HNRNPC: variants seen among roughly 807,000 people sequenced by gnomAD.
HNRNPC encodes heterogeneous nuclear ribonucleoproteins C1/C2.
A neutral mutation model predicts 33.2 loss-of-function variants in HNRNPC; 3 were observed. The ratio of observed to expected loss-of-function variants is 0.09; its 90% confidence interval spans 0.04 to 0.23. The LOEUF is 0.23. HNRNPC is among the 10% of genes least tolerant of loss of function. HNRNPC has a pLI of 1.00. For missense variants in HNRNPC, 143 were observed against 366.7 expected, an observed-to-expected ratio of 0.39 and a Z score of 4.98; for synonymous variants, 121 against 126.7, an observed-to-expected ratio of 0.96 and a Z score of 0.30.
At chr14:21,253,794 G>A (rs563889689) in intron 2 of HNRNPC, among the ~76,000 whole-genome samples, 9 of 152,130 alleles carry the variant, frequency 5.9e-5, no homozygotes, top group East Asian at 1.9e-4. Flanking sequence ...GGCCAGGCGC[G>A]GTGGCTCAGG....
intron 2 of HNRNPC, among the ~76,000 whole-genome samples, chr14:21,238,022 C>T (rs550390891): frequency 6.6e-6 from 1 of 152,296 alleles, no homozygotes; most frequent in Admixed American, 6.5e-5. Context: ...CCGCCTGCCT[C>T]GGCCTCCCAA....
intron 5 of HNRNPC, among the ~76,000 whole-genome samples, chr14:21,217,173 T>C (rs1489528482): frequency 1.3e-5 from 2 of 152,244 alleles, no homozygotes; most frequent in African/African-American, 2.4e-5. Flanking sequence ...TCTGAGGAAG[T>C]AGTCCTTGCC....
chr14:21,231,160 AG>A, intron 3 of HNRNPC, 88 bp from the exon 4 acceptor site: 6 of 1,328,534 alleles, frequency 4.5e-6, no homozygotes, highest in Non-Finnish European at 6.3e-6. Flanking sequence ...TTTGAGACAT[AG>A]TTTCGCTTTC....
rs1054315013 is a variant in HNRNPC, at chr14:21,209,196, G to A, written c.*2027C>T. On this transcript the variant is annotated 3_prime_UTR_variant, in exon 9 of 9. Coordinates refer to ENST00000553300, the MANE Select transcript of HNRNPC (RefSeq NM_004500.4). ...TGTAGAGATGATTTAAAATATACAG[G>A]AGAATATGCATAGGTTACATATAAA... 2.0e-5 allele frequency: 3 copies of A among 152,148 alleles called. No homozygotes were observed. Among genetic ancestry groups the A allele is most frequent in the African/African-American group, 4.8e-5 (2 of 41,428 alleles). 9.4% of individuals were successfully genotyped at this position (152,148 alleles called of 1,614,324 possible).
intron 3 of HNRNPC, chr14:21,231,362 A>G (rs1232099814): frequency 1.9e-6 from 1 of 514,582 alleles, no homozygotes; most frequent in Non-Finnish European, 3.8e-6. Context: ...GGAACAAAAC[A>G]ACTCATCTTT....
chr14:21,222,132 T>C (rs1301007919), intron 5 of HNRNPC, among the ~76,000 whole-genome samples: 4 of 149,616 alleles, frequency 2.7e-5, no homozygotes, highest in African/African-American at 9.9e-5. Context: ...CTGACTGAGA[T>C]ACCACCACAC....
At chr14:21,213,311 A>T in intron 5 of HNRNPC, 194 bp from the exon 6 acceptor site, 1 of 570,996 alleles carries the variant, frequency 1.8e-6, no homozygotes, top group Admixed American at 3.2e-5. Flanking sequence ...ACCTAGGCAC[A>T]TAAAATAGTT....
intron 1 of HNRNPC, among the ~76,000 whole-genome samples, chr14:21,267,594 CT>C (rs1879233197): frequency 6.6e-6 from 1 of 152,148 alleles, no homozygotes; most frequent in Non-Finnish European, 1.5e-5. Flanking sequence ...CCTTCTTCAA[CT>C]TTTCCCCCTA....
chr14:21,224,219 C>G (rs1000905957), intron 5 of HNRNPC, among the ~76,000 whole-genome samples: 3 of 152,108 alleles, frequency 2.0e-5, no homozygotes, highest in African/African-American at 7.2e-5. Context: ...ATTGTTAATC[C>G]AAAGCCTCAG....
intron 6 of HNRNPC, 104 bp from the exon 7 acceptor site, chr14:21,212,027 A>T: frequency 2.4e-6 from 2 of 842,388 alleles, no homozygotes; most frequent in Non-Finnish European, 3.9e-6. Context: ...GGAGATACCC[A>T]GGGAGAAACA....
At chr14:21,250,235 G>A (rs932457411) in intron 2 of HNRNPC, among the ~76,000 whole-genome samples, 4 of 151,510 alleles carry the variant, frequency 2.6e-5, no homozygotes, top group African/African-American at 4.9e-5. Flanking sequence ...CCTGGGCAAC[G>A]GAGCGAGACT....
chr14:21,212,066 G>C, intron 6 of HNRNPC, 143 bp from the exon 7 acceptor site: 1 of 650,750 alleles, frequency 1.5e-6, no homozygotes, highest in Non-Finnish European at 2.7e-6. Context: ...CGGTAATAAA[G>C]GCCCTTGGTT....
chr14:21,267,577 T>C (rs1241046227), intron 1 of HNRNPC, among the ~76,000 whole-genome samples: 1 of 152,140 alleles, frequency 6.6e-6, no homozygotes, highest in Admixed American at 6.6e-5. Context: ...ACCTGCAACC[T>C]GGCCATCCTT....
At position 21,227,521 on chromosome 14, in the gene HNRNPC, C is replaced by T. The variant is rs574094374; in HGVS notation, c.365+2798G>A. On this transcript the variant is annotated intron_variant, in intron 5 of 8. Coordinates refer to ENST00000553300, the MANE Select transcript of HNRNPC (RefSeq NM_004500.4). ...GTATCGGCTGGTGCAAAAATAATTG[C>T]GGTTTTGCTTTTTACCGTTCAAAGA... Among the ~76,000 whole-genome samples, 6 of 152,236 alleles carry T rather than the reference C, an allele frequency of 3.9e-5. No individual in the cohort carries two copies. In the East Asian group the frequency reaches 7.7e-4, roughly 20 times the overall value.
At chr14:21,259,007 A>G (rs947283184) in intron 2 of HNRNPC, among the ~76,000 whole-genome samples, 2 of 152,182 alleles carry the variant, frequency 1.3e-5, no homozygotes, top group African/African-American at 4.8e-5. Flanking sequence ...ATCCTTCAAT[A>G]GATTCTACTT....
chr14:21,225,904 A>G (rs1049367075), intron 5 of HNRNPC, among the ~76,000 whole-genome samples: 3 of 152,184 alleles, frequency 2.0e-5, no homozygotes, highest in African/African-American at 7.2e-5. Flanking sequence ...TGAAGAAAAT[A>G]TATCTAGTTT....
At chr14:21,254,934 A>AC (rs1429239031) in intron 2 of HNRNPC, among the ~76,000 whole-genome samples, 1 of 133,312 alleles carries the variant, frequency 7.5e-6, no homozygotes, top group Admixed American at 7.2e-5. Flanking sequence ...AAAAAAAAAC[A>AC]AAAAAAAAAA....
intron 2 of HNRNPC, among the ~76,000 whole-genome samples, chr14:21,236,982 A>G (rs1428479547): frequency 6.6e-6 from 1 of 152,248 alleles, no homozygotes; most frequent in Admixed American, 6.5e-5. Flanking sequence ...TAATAGACTT[A>G]GAAATACAAG....
intron 5 of HNRNPC, among the ~76,000 whole-genome samples, chr14:21,220,126 A>AG (rs1291604051): frequency 6.6e-6 from 1 of 152,190 alleles, no homozygotes; most frequent in East Asian, 1.9e-4. Context: ...CTCTTCACAA[A>AG]GCCCTCTAAT....
Sources: gnomAD v4.1 joint callset for allele counts (sites outside exome capture counted in the v4.1 genomes callset) on GRCh38, gnomAD v4.1.1 for gene constraint, MANE v1.5 for transcripts, NCBI Gene and HGNC (gene_info 2026-07-23, HGNC 2026-07-21) for gene names.